The following DNAJC15 variants were observed in gnomAD, a reference collection of about 807,000 sequenced individuals.
The protein encoded by DNAJC15 is dnaJ homolog subfamily C member 15.
Under a neutral mutation model 22.4 loss-of-function variants are expected in DNAJC15, and 27 were observed. The ratio of observed to expected loss-of-function variants is 1.20; its 90% CI spans 0.89 to 1.66. The LOEUF (loss-of-function observed/expected upper bound fraction) is 1.66. Ranked by LOEUF, DNAJC15 falls within the 40% of genes most tolerant of loss-of-function variation. The probability of loss-of-function intolerance (pLI) is 0.00; values close to 1 mark genes in which losing one functional copy is unlikely to be tolerated. For missense variants in DNAJC15, 208 were observed against 187.1 expected (o/e 1.11, Z -0.65); for synonymous variants, 79 against 63.2 (o/e 1.25, Z -1.19).
intron 1 of DNAJC15, among the ~76,000 whole-genome samples, chr13:43,046,223 G>A (rs1011176320): frequency 1.3e-5 from 2 of 150,050 alleles, no homozygotes; most frequent in African/African-American, 4.9e-5. Context: ...TTTGTCTTCC[G>A]TGAGACTTTT....
chr13:43,051,723 T>G (rs969638361), intron 1 of DNAJC15, among the ~76,000 whole-genome samples: 2 of 152,138 alleles, frequency 1.3e-5, no homozygotes, highest in African/African-American at 4.8e-5. Context: ...TCCATATTTT[T>G]GCAATTGTGA....
intron 5 of DNAJC15, 84 bp downstream of exon 5, chr13:43,085,922 A>T: frequency 8.0e-7 from 1 of 1,255,826 alleles, no homozygotes; most frequent in East Asian, 2.4e-5. Flanking sequence ...TATGATATAT[A>T]GTTGAGATGG....
At chr13:43,034,920 A>G (rs148873657) in intron 1 of DNAJC15, among the ~76,000 whole-genome samples, 5 of 152,246 alleles carry the variant, frequency 3.3e-5, no homozygotes, top group Middle Eastern at 3.4e-3. Context: ...TGTATATAAC[A>G]TTTTATCTCA....
At chr13:43,068,902 A>C (rs749284979) in intron 2 of DNAJC15, 28 bp from the exon 3 acceptor site, 2 of 1,591,634 alleles carry the variant, frequency 1.3e-6, no homozygotes, top group Admixed American at 3.4e-5. Context: ...TAGAAAATAC[A>C]TTTGCTTTTA....
rs2040837113 is a variant in DNAJC15 at position 43,114,205 on chromosome 13, A to G, written c.*6957A>G. 6.6e-6 allele frequency: 1 copy of G among 152,240 alleles called. No homozygotes were observed. Among genetic ancestry groups the G allele is most frequent in the East Asian group, 1.9e-4 (1 of 5,198 alleles). 9.4% of individuals were successfully genotyped at this position (152,240 alleles called of 1,614,324 possible). ...CAGTTAAAATAAAACCTAATCTGCT[A>G]AAATTGAATTTACACTCAATTTTTC... On this transcript the variant is annotated 3_prime_UTR_variant, in exon 6 of 6. Transcript: ENST00000379221.
chr13:43,099,491 C>T lies in DNAJC15; in HGVS notation c.383-7687C>T, dbSNP rs369974729. ...TAGGGAAAAGCATCCAGTCTTCGCT[C>T]ATTCAATCTGTGGGTTTTTTGTAGA... On this transcript the variant is annotated intron_variant, in intron 5 of 5. Transcript: ENST00000379221. Among the ~76,000 whole-genome samples the T allele has an allele frequency of 3.4e-4, 52 of 152,330 alleles. 2 individuals carry two copies. In the East Asian group the frequency reaches 6.2e-3, roughly 18 times the overall value.
At chr13:43,037,690 A>C (rs1213845811) in intron 1 of DNAJC15, among the ~76,000 whole-genome samples, 1 of 152,122 alleles carries the variant, frequency 6.6e-6, no homozygotes, top group East Asian at 1.9e-4. Flanking sequence ...CATTTGTTGA[A>C]TGTTTATCCC....
chr13:43,092,178 T>G (rs2040718139), intron 5 of DNAJC15, among the ~76,000 whole-genome samples: 1 of 152,202 alleles, frequency 6.6e-6, no homozygotes, highest in Non-Finnish European at 1.5e-5. Context: ...GACAAATGAT[T>G]TAGGATTGTT....
At chr13:43,070,515 A>G (rs1038583297) in intron 3 of DNAJC15, among the ~76,000 whole-genome samples, 1 of 152,138 alleles carries the variant, frequency 6.6e-6, no homozygotes, top group Non-Finnish European at 1.5e-5. Context: ...TTTTGAGAAA[A>G]CCAAATCAGG....
Position 43,110,059 on chromosome 13 carries a change from C to T in DNAJC15, c.*2811C>T, listed in dbSNP as rs2040817311. ...TCCCAGTAATCATTTATTTTACCCT[C>T]GAATCTGCAATTTGGATAGAACATG... is the stretch of plus-strand genomic sequence containing the variant. On this transcript the variant is annotated 3_prime_UTR_variant, in exon 6 of 6. Transcript: ENST00000379221. 1 of 152,132 alleles carries T rather than the reference C, an allele frequency of 6.6e-6. No individual in the cohort carries two copies. The highest frequency in any genetic ancestry group is 1.9e-4 in the East Asian group (1 of 5,194). 9.4% of individuals were successfully genotyped at this position (152,132 alleles called of 1,614,324 possible).
chr13:43,077,887 A>G (rs183573807), intron 3 of DNAJC15, among the ~76,000 whole-genome samples: 1 of 152,302 alleles, frequency 6.6e-6, no homozygotes, highest in East Asian at 1.9e-4. Context: ...CTTAGTTCAT[A>G]CCATCATCAT....
intron 1 of DNAJC15, among the ~76,000 whole-genome samples, chr13:43,054,643 A>G (rs1429400881): frequency 6.6e-6 from 1 of 151,708 alleles, no homozygotes; most frequent in Non-Finnish European, 1.5e-5. Flanking sequence ...AGGGTTGTAT[A>G]TTTCCTGGAA....
intron 5 of DNAJC15, among the ~76,000 whole-genome samples, chr13:43,103,974 ATTTTTTTCTATTTC>A (rs2040783541): frequency 6.6e-6 from 1 of 152,100 alleles, no homozygotes; most frequent in Non-Finnish European, 1.5e-5. Flanking sequence ...GATAGTGTAT[ATTTTTTTCTATTTC>A]TTAAAAGTAT....
chr13:43,076,433 A>G (rs989019451), intron 3 of DNAJC15, among the ~76,000 whole-genome samples: 1 of 152,158 alleles, frequency 6.6e-6, no homozygotes, highest in Non-Finnish European at 1.5e-5. Flanking sequence ...TCATTTCCTT[A>G]GTTTCTTTTA....
chr13:43,052,266 T>G (rs1290155317), intron 1 of DNAJC15, among the ~76,000 whole-genome samples: 1 of 151,876 alleles, frequency 6.6e-6, no homozygotes. Flanking sequence ...CCCAGCCTAT[T>G]TTTTGATTTT....
At chr13:43,078,509 T>C in intron 3 of DNAJC15, 103 bp from the exon 4 acceptor site, 1 of 819,528 alleles carries the variant, frequency 1.2e-6, no homozygotes, top group Non-Finnish European at 1.8e-6. Flanking sequence ...TGAGTTGACT[T>C]CTAGTAAAAT....
chr13:43,067,236 CTA>C (rs751209362), intron 2 of DNAJC15, among the ~76,000 whole-genome samples: 1 of 152,058 alleles, frequency 6.6e-6, no homozygotes, highest in Non-Finnish European at 1.5e-5. Context: ...ATTTAAAACA[CTA>C]TTTTAACCTT....
intron 3 of DNAJC15, among the ~76,000 whole-genome samples, chr13:43,072,723 C>A (rs747726636): frequency 1.3e-5 from 2 of 152,080 alleles, no homozygotes; most frequent in Admixed American, 6.6e-5. Flanking sequence ...GTCACTATTC[C>A]CAGCTAATTT....
At chr13:43,088,402 T>A (rs1441150549) in intron 5 of DNAJC15, among the ~76,000 whole-genome samples, 1 of 152,206 alleles carries the variant, frequency 6.6e-6, no homozygotes, top group South Asian at 2.1e-4. Flanking sequence ...TTAGCTCTCC[T>A]TCAAGACTTT....
Sources: allele counts gnomAD v4.1 joint callset (sites outside exome capture counted in the v4.1 genomes callset), GRCh38; gene constraint gnomAD v4.1.1; transcripts MANE v1.5; gene names NCBI Gene and HGNC (gene_info 2026-07-23, HGNC 2026-07-21).